Variants in CHCHD6 observed in about 807,000 individuals in gnomAD.
CHCHD6 encodes the protein coiled-coil-helix-coiled-coil-helix domain containing 6, also known as MICOS complex subunit MIC25.
In CHCHD6, 28 loss-of-function variants were observed where a neutral mutation model predicts 32.3. The observed-to-expected ratio is 0.87, with a 90% CI of 0.64 to 1.19. The LOEUF is 1.19. CHCHD6 is among the 50% of genes most tolerant of loss of function. The probability of loss-of-function intolerance (pLI) is 0.00; values close to 1 mark genes in which losing one functional copy is unlikely to be tolerated. For missense variants in CHCHD6, 333 were observed against 307.0 expected (o/e 1.08, Z -0.63); for synonymous variants, 122 against 117.5 (o/e 1.04, Z -0.25).
At chr3:126,841,874 A>T (rs1223599303) in intron 4 of CHCHD6, among the ~76,000 whole-genome samples, 2 of 152,090 alleles carry the variant, frequency 1.3e-5, no homozygotes, top group African/African-American at 4.8e-5. Context: ...TGATCATGCC[A>T]CTAAACTTCA....
intron 4 of CHCHD6, among the ~76,000 whole-genome samples, chr3:126,823,583 A>T (rs781298889): frequency 9.2e-5 from 14 of 152,204 alleles, no homozygotes; most frequent in Non-Finnish European, 1.6e-4. Flanking sequence ...AAATTGACTT[A>T]CTAGTTCATG....
At chr3:126,891,020 G>C (rs1049153085) in intron 5 of CHCHD6, among the ~76,000 whole-genome samples, 2 of 152,204 alleles carry the variant, frequency 1.3e-5, no homozygotes, top group Non-Finnish European at 2.9e-5. Context: ...ATTGGGATGG[G>C]GTGAATTTTT....
At chr3:126,843,090 C>T (rs1342391689) in intron 4 of CHCHD6, among the ~76,000 whole-genome samples, 2 of 151,938 alleles carry the variant, frequency 1.3e-5, no homozygotes, top group African/African-American at 4.8e-5. Flanking sequence ...GTTGAGGAAA[C>T]TTTCTTCTAT....
At chr3:126,771,610 T>C (rs1045461075) in intron 4 of CHCHD6, among the ~76,000 whole-genome samples, 1 of 152,206 alleles carries the variant, frequency 6.6e-6, no homozygotes, top group Non-Finnish European at 1.5e-5. Flanking sequence ...TGTTGATATT[T>C]CGTATGGTTT....
chr3:126,825,976 AT>A (rs1399315546), intron 4 of CHCHD6, among the ~76,000 whole-genome samples: 1 of 152,044 alleles, frequency 6.6e-6, no homozygotes, highest in Non-Finnish European at 1.5e-5. Context: ...CTCTTTCCAA[AT>A]TTTTTGTAGT....
rs77373684 is a variant in CHCHD6, at chr3:126,957,486, C to T, written c.637C>T (p.His213Tyr). 2.1e-4 allele frequency: 340 copies of T among 1,605,770 alleles called. 1 individual carries two copies. In the African/African-American group the frequency reaches 4.1e-3, roughly 19 times the overall value. The change falls in exon 7 of 8, where the codon CAT (histidine) becomes TAT (tyrosine). Residue 213 changes from histidine (H) to tyrosine (Y), a missense_variant. His to Tyr is a moderately conservative substitution (Grantham distance 83, BLOSUM62 2). Coordinates refer to ENST00000290913, the MANE Select transcript of CHCHD6 (RefSeq NM_032343.3). The stretch of plus-strand genomic sequence containing the variant: ...TCTCCACTGCTACCGAGATCGCCCG[C>T]ATGAGGTGCTGCTGTGCTCGGACCT... ...QILHCYRDRP[H>Y]EVLLCSDLVK...
intron 5 of CHCHD6, among the ~76,000 whole-genome samples, chr3:126,876,692 G>A (rs2077543448): frequency 6.6e-6 from 1 of 152,202 alleles, no homozygotes. Flanking sequence ...GAAAGTGAAC[G>A]AATGTGTGAA....
intron 6 of CHCHD6, among the ~76,000 whole-genome samples, chr3:126,924,134 C>T (rs540888557): frequency 6.6e-6 from 1 of 152,270 alleles, no homozygotes; most frequent in African/African-American, 2.4e-5. Context: ...CGGTGTGCGC[C>T]GTGCATGCTG....
intron 4 of CHCHD6, among the ~76,000 whole-genome samples, chr3:126,831,871 A>G (rs1443088576): frequency 6.6e-6 from 1 of 152,220 alleles, no homozygotes; most frequent in Non-Finnish European, 1.5e-5. Context: ...AGCAGTGAGC[A>G]TGTAATCTGT....
intron 5 of CHCHD6, among the ~76,000 whole-genome samples, chr3:126,903,751 C>T (rs966592485): frequency 6.6e-6 from 1 of 152,168 alleles, no homozygotes; most frequent in Non-Finnish European, 1.5e-5. Flanking sequence ...AGTAGATTTC[C>T]TTGTCGATCC....
intron 4 of CHCHD6, among the ~76,000 whole-genome samples, chr3:126,792,892 A>G (rs1481342379): frequency 1.3e-5 from 2 of 152,084 alleles, no homozygotes; most frequent in African/African-American, 4.8e-5. Context: ...CAGTTGTATT[A>G]CATTTGTTCT....
At chr3:126,830,762 A>G (rs1439195111) in intron 4 of CHCHD6, among the ~76,000 whole-genome samples, 1 of 152,188 alleles carries the variant, frequency 6.6e-6, no homozygotes, top group East Asian at 1.9e-4. Context: ...AGTGCTGGAT[A>G]TTCATGTCCT....
intron 4 of CHCHD6, among the ~76,000 whole-genome samples, chr3:126,771,934 T>C (rs1336025319): frequency 6.6e-6 from 1 of 152,204 alleles, no homozygotes; most frequent in Non-Finnish European, 1.5e-5. Context: ...CAATATGAAG[T>C]TGTTTTTGGG....
intron 5 of CHCHD6, among the ~76,000 whole-genome samples, chr3:126,886,078 A>G (rs756715117): frequency 6.6e-6 from 1 of 152,216 alleles, no homozygotes; most frequent in Non-Finnish European, 1.5e-5. Flanking sequence ...AGGCTGCTAG[A>G]TTGTAACAAT....
chr3:126,766,696 C>A, intron 4 of CHCHD6: 1 of 1,112,522 alleles, frequency 9.0e-7, no homozygotes, highest in East Asian at 2.4e-5. Flanking sequence ...ACAAGCCAGG[C>A]TCTGGATTAT....
intron 4 of CHCHD6, among the ~76,000 whole-genome samples, chr3:126,775,938 C>G (rs997802687): frequency 6.6e-6 from 1 of 152,218 alleles, no homozygotes; most frequent in Non-Finnish European, 1.5e-5. Context: ...GAGAGACTTT[C>G]ATGGAGCCAC....
intron 5 of CHCHD6, among the ~76,000 whole-genome samples, chr3:126,887,712 G>T (rs576406743): frequency 6.6e-6 from 1 of 152,226 alleles, no homozygotes; most frequent in South Asian, 2.1e-4. Context: ...CCCGCTTCCC[G>T]GTGGCCTCCC....
At chr3:126,829,579 A>G (rs1028464934) in intron 4 of CHCHD6, among the ~76,000 whole-genome samples, 5 of 151,972 alleles carry the variant, frequency 3.3e-5, no homozygotes, top group African/African-American at 4.8e-5. Flanking sequence ...TGTGATGTAC[A>G]TGGAGGTGGG....
At chr3:126,952,078 G>T (rs73193168) in intron 6 of CHCHD6, among the ~76,000 whole-genome samples, 2,038 of 152,340 alleles carry the variant, frequency 0.013, 19 homozygotes, top group African/African-American at 0.024. Flanking sequence ...CTAAGAATGA[G>T]TTTTTGAACT....
Sources: gnomAD v4.1 joint callset for allele counts (sites outside exome capture counted in the v4.1 genomes callset) on GRCh38, gnomAD v4.1.1 for gene constraint, MANE v1.5 for transcripts, NCBI Gene and HGNC (gene_info 2026-07-23, HGNC 2026-07-21) for gene names.